Variants in CSNK2A1 observed in about 807,000 individuals in gnomAD.
The protein encoded by CSNK2A1 is casein kinase 2 alpha 1.
In CSNK2A1, 10 loss-of-function variants were observed where a neutral mutation model predicts 62.9. That is an observed-to-expected ratio of 0.16 (90% confidence interval 0.10 to 0.27). The LOEUF is 0.27. CSNK2A1 is among the 10% of genes least tolerant of loss of function. The pLI is 1.00. For synonymous variants in CSNK2A1, 124 were observed against 167.8 expected (o/e 0.74, Z 2.02); for missense variants, 160 against 492.0 (o/e 0.33, Z 6.38).
In CSNK2A1 at chr20:478,018, A is replaced by T. The variant is rs78164044; in HGVS notation, c.*5943T>A. The T allele has an allele frequency of 6.6e-6, 1 of 150,450 alleles. No homozygotes were observed. Among genetic ancestry groups the T allele is most frequent in the Non-Finnish European group, 1.5e-5 (1 of 67,476 alleles). 9.3% of individuals were successfully genotyped at this position (150,450 alleles called of 1,614,324 possible). A position where few individuals can be genotyped will look rare whatever the true frequency, so the allele number is the denominator to read the frequency against. ...AATAGGCATTTGCATTTTTCCTAGG[A>T]TTTTTTTTTTAAAACAGTTGGAATT... On this transcript the variant is annotated 3_prime_UTR_variant, in exon 14 of 14. Coordinates refer to ENST00000217244, the MANE Select transcript of CSNK2A1 (RefSeq NM_177559.3).
At chr20:484,716 G>A (rs1410911315) in intron 13 of CSNK2A1, among the ~76,000 whole-genome samples, 4 of 151,662 alleles carry the variant, frequency 2.6e-5, no homozygotes, top group Non-Finnish European at 5.9e-5. Flanking sequence ...GTGTGTGTGT[G>A]TGTGTGTGTA....
chr20:514,154 G>A (rs2018781783), intron 2 of CSNK2A1, among the ~76,000 whole-genome samples: 1 of 151,840 alleles, frequency 6.6e-6, no homozygotes, highest in South Asian at 2.1e-4. Context: ...GACCACCCTG[G>A]GCAACACAGC....
At chr20:510,983 A>G (rs1386854696) in intron 2 of CSNK2A1, among the ~76,000 whole-genome samples, 24 of 152,012 alleles carry the variant, frequency 1.6e-4, no homozygotes, top group Admixed American at 1.6e-3. Flanking sequence ...CAGCCTCCCA[A>G]AGTACTGTGA....
intron 3 of CSNK2A1, among the ~76,000 whole-genome samples, chr20:505,668 ATT>A (rs11484480): frequency 2.1e-5 from 3 of 142,512 alleles, no homozygotes; most frequent in Non-Finnish European, 3.1e-5. Context: ...GGCCCATTGT[ATT>A]TTTTTTTTTT....
At position 475,098 on chromosome 20, in the gene CSNK2A1, T is replaced by C. The variant is rs2017821063; in HGVS notation, c.*8863A>G. ...GAAGCACCCTGTGTATAGTGGAATG[T>C]TGTGTTGTTTCTGGCCATGGAGTCT... On this transcript the variant is annotated 3_prime_UTR_variant, in exon 14 of 14. Transcript: ENST00000217244. The C allele has an allele frequency of 6.6e-6, 1 of 152,060 alleles. No individual in the cohort carries two copies. Among genetic ancestry groups the C allele is most frequent in the Non-Finnish European group, 1.5e-5 (1 of 68,020 alleles). 9.4% of individuals were successfully genotyped at this position (152,060 alleles called of 1,614,324 possible). A position where few individuals can be genotyped will look rare whatever the true frequency, so the allele number is the denominator to read the frequency against.
In CSNK2A1 at chr20:475,043, C is replaced by T. The variant is rs140979480; in HGVS notation, c.*8918G>A. 3.9e-5 allele frequency: 6 copies of T among 152,272 alleles called. No homozygotes were observed. The East Asian group carries it at 1.2e-3, about 29-fold the overall frequency. The allele number at this position is 152,272 out of a possible 1,614,324, so 9.4% of individuals were successfully genotyped here. ...GAGCAAATACAACATTTAGGTACCA[C>T]CCCAATAAACACAACACCGAGGACC... On this transcript the variant is annotated 3_prime_UTR_variant, in exon 14 of 14. Coordinates refer to ENST00000217244, the MANE Select transcript of CSNK2A1 (RefSeq NM_177559.3).
chr20:494,981 C>T (rs2018316133), intron 8 of CSNK2A1: 1 of 152,182 alleles, frequency 6.6e-6, no homozygotes, highest in Non-Finnish European at 1.5e-5. Flanking sequence ...CTTGCCATTC[C>T]CTATTCGTTT....
chr20:520,497 A>T (rs973968876), intron 2 of CSNK2A1, among the ~76,000 whole-genome samples: 4 of 151,894 alleles, frequency 2.6e-5, no homozygotes, highest in African/African-American at 7.3e-5. Context: ...TATATATATA[A>T]ATATATTATG....
At chr20:504,722 A>G (rs947798768) in intron 4 of CSNK2A1, 1 of 176,954 alleles carries the variant, frequency 5.7e-6, no homozygotes, top group African/African-American at 2.4e-5. Context: ...GACTAGCTGC[A>G]CTAATATCAT....
chr20:517,745 G>C (rs961689464), intron 2 of CSNK2A1, among the ~76,000 whole-genome samples: 4 of 152,030 alleles, frequency 2.6e-5, no homozygotes, highest in African/African-American at 9.7e-5. Flanking sequence ...ATGACCAAAG[G>C]CTGGCACATT....
chr20:480,988 T>C lies in CSNK2A1; in HGVS notation c.*2973A>G, dbSNP rs1035651615. ...AGTCCCACTCTAACAATTTAATCTA[T>C]CTTATGTAAGCTGGACAGGCATTTC... On this transcript the variant is annotated 3_prime_UTR_variant, in exon 14 of 14. Transcript: ENST00000217244. The C allele has an allele frequency of 1.3e-5, 2 of 152,214 alleles. No homozygotes were observed. The highest frequency in any genetic ancestry group is 1.9e-4 in the East Asian group (1 of 5,202). The allele number at this position is 152,214 out of a possible 1,614,324, so 9.4% of individuals were successfully genotyped here.
In CSNK2A1 at chr20:483,547, G is replaced by A. The variant is rs1238532476; in HGVS notation, c.*414C>T. The A allele has an allele frequency of 2.6e-5, 4 of 152,960 alleles. No individual in the cohort carries two copies. Among genetic ancestry groups the A allele is most frequent in the African/African-American group, 4.8e-5 (2 of 41,400 alleles). The allele number at this position is 152,960 out of a possible 1,614,324, so 9.5% of individuals were successfully genotyped here. A position where few individuals can be genotyped will look rare whatever the true frequency, so the allele number is the denominator to read the frequency against. On this transcript the variant is annotated 3_prime_UTR_variant, in exon 14 of 14. Coordinates refer to ENST00000217244, the MANE Select transcript of CSNK2A1 (RefSeq NM_177559.3). Reference sequence around the variant, plus strand: ...TTTTGTAATCTCTGGAGAAGAGCACGAGATACCAACCCCCTAAAGTGTGGG... The same window carrying A: ...TTTTGTAATCTCTGGAGAAGAGCACAAGATACCAACCCCCTAAAGTGTGGG...
intron 1 of CSNK2A1, among the ~76,000 whole-genome samples, chr20:542,772 G>A (rs1451234425): frequency 6.6e-6 from 1 of 152,094 alleles, no homozygotes; most frequent in African/African-American, 2.4e-5. Flanking sequence ...TCCCATTCTC[G>A]TAGAATTAAA....
chr20:537,355 C>T (rs987649490), intron 1 of CSNK2A1, among the ~76,000 whole-genome samples: 4 of 152,096 alleles, frequency 2.6e-5, no homozygotes, highest in Admixed American at 6.5e-5. Flanking sequence ...ACTGTTGCTA[C>T]GTAGGGTTTT....
chr20:535,562 C>G (rs1237507721), intron 1 of CSNK2A1, among the ~76,000 whole-genome samples: 1 of 151,934 alleles, frequency 6.6e-6, no homozygotes, highest in Non-Finnish European at 1.5e-5. Context: ...TTGAGGCCAG[C>G]GTGGCCAACA....
chr20:542,508 CT>C (rs1311071958), intron 1 of CSNK2A1, among the ~76,000 whole-genome samples: 1 of 152,248 alleles, frequency 6.6e-6, no homozygotes, highest in African/African-American at 2.4e-5. Context: ...TCTCAGCTCA[CT>C]GCCACCTCCG....
chr20:485,102 A>ATAAT (rs2018058648), intron 13 of CSNK2A1, among the ~76,000 whole-genome samples: 1 of 50,544 alleles, frequency 2.0e-5, no homozygotes, highest in African/African-American at 7.3e-5. Flanking sequence ...AAAAAAAAAA[A>ATAAT]AAAAAAAATA....
At chr20:543,180 T>G (rs2019489546) in intron 1 of CSNK2A1, 1 of 151,060 alleles carries the variant, frequency 6.6e-6, no homozygotes, top group East Asian at 1.9e-4. Flanking sequence ...TCGCACCCAC[T>G]CTGCAGGTGG....
chr20:535,774 T>C (rs1380574741), intron 1 of CSNK2A1, among the ~76,000 whole-genome samples: 1 of 148,146 alleles, frequency 6.8e-6, no homozygotes, highest in African/African-American at 2.5e-5. Context: ...AAAGTGCCGA[T>C]AAATACAAGT....
Sources: allele counts gnomAD v4.1 joint callset (sites outside exome capture counted in the v4.1 genomes callset), GRCh38; gene constraint gnomAD v4.1.1; transcripts MANE v1.5; gene names NCBI Gene and HGNC (gene_info 2026-07-23, HGNC 2026-07-21).